Variants in RPTOR observed in about 807,000 individuals in gnomAD.
The protein encoded by RPTOR is regulatory-associated protein of mTOR.
In RPTOR, 21 loss-of-function variants were observed where a neutral mutation model predicts 169.9. The observed-to-expected ratio is 0.12, with a 90% CI of 0.09 to 0.18. RPTOR has a LOEUF of 0.18. Among genes scored for constraint, RPTOR ranks in the 10% least tolerant of loss-of-function variants. RPTOR has a pLI of 1.00. For missense variants in RPTOR, 1,133 were observed against 1,855.9 expected, an observed-to-expected ratio of 0.61 and a Z score of 7.16; for synonymous variants, 732 against 753.2, an observed-to-expected ratio of 0.97 and a Z score of 0.46.
chr17:80,683,684 A>T (rs1567855469), intron 3 of RPTOR, among the ~76,000 whole-genome samples: 1 of 152,020 alleles, frequency 6.6e-6, no homozygotes, highest in Admixed American at 6.6e-5. Flanking sequence ...TTATCCCATC[A>T]ATCATCTGCT....
chr17:80,614,629 C>T (rs938253482), intron 1 of RPTOR, among the ~76,000 whole-genome samples: 1 of 152,172 alleles, frequency 6.6e-6, no homozygotes, highest in African/African-American at 2.4e-5. Flanking sequence ...AAAAATATTT[C>T]GGGCAATTAG....
Position 80,893,783 on chromosome 17 carries a change from G to A in RPTOR, c.2319G>A (p.Glu773=), listed in dbSNP as rs1342666727. Reference sequence around the variant, plus strand: ...CCAGCAGCACCCTGGGCAGCCCCGAGAATGAGGAGCATATCCTGTCCTTCG... The same window carrying A: ...CCAGCAGCACCCTGGGCAGCCCCGAAAATGAGGAGCATATCCTGTCCTTCG... ...SSASSTLGSP[E]NEEHILSFET... The change falls in exon 20 of 34, where the codon GAG becomes GAA. Residue 773 remains glutamate (E), a synonymous_variant. Coordinates refer to ENST00000306801, the MANE Select transcript of RPTOR (RefSeq NM_020761.3). 6.3e-7 allele frequency: 1 copy of A among 1,597,678 alleles called. No homozygotes were observed. Among genetic ancestry groups the A allele is most frequent in the African/African-American group, 1.4e-5 (1 of 73,724 alleles).
intron 7 of RPTOR, among the ~76,000 whole-genome samples, chr17:80,812,016 G>A (rs1365970227): frequency 2.6e-5 from 4 of 152,046 alleles, no homozygotes; most frequent in African/African-American, 7.2e-5. Flanking sequence ...CTGTACCCAC[G>A]GGACACAGCC....
rs116097009 is a variant in RPTOR, at chr17:80,864,684, C to T, written c.1509+6784C>T. Among the ~76,000 whole-genome samples the T allele has an allele frequency of 8.4e-3, 1,273 of 152,238 alleles. 18 individuals carry two copies. The highest frequency in any genetic ancestry group is 0.029 in the African/African-American group (1,210 of 41,540). On this transcript the variant is annotated intron_variant, in intron 13 of 33. Coordinates refer to ENST00000306801, the MANE Select transcript of RPTOR (RefSeq NM_020761.3). The stretch of plus-strand genomic sequence containing the variant: ...GGAGAATACTCTTCAGAGGGAAACA[C>T]GGTTCTACACAAAGGAATTCAAAGC...
At position 80,959,624 on chromosome 17, in the gene RPTOR, G is replaced by A. The variant is rs6565503; in HGVS notation, c.3478-454G>A. Among the ~76,000 whole-genome samples the A allele has an allele frequency of 3.3e-4, 51 of 152,304 alleles. 3 individuals carry two copies. In the East Asian group the frequency reaches 7.7e-3, roughly 23 times the overall value. On this transcript the variant is annotated intron_variant, in intron 29 of 33. Transcript: ENST00000306801. This position sits in a 1 kb window ranked among gnomAD's most constrained non-coding sequence, Gnocchi z 6.7. ...GAGCCAGATGACCCCTCCTGGACTC[G>A]TCCCATAGCTCATTAGAAGTTCTGA...
intron 1 of RPTOR, among the ~76,000 whole-genome samples, chr17:80,565,187 T>G (rs773087554): frequency 2.6e-5 from 4 of 152,166 alleles, no homozygotes; most frequent in Non-Finnish European, 5.9e-5. Flanking sequence ...TCTTGAAAGT[T>G]TTGTAGAAAA....
At chr17:80,546,940 G>A (rs2084283370) in intron 1 of RPTOR, among the ~76,000 whole-genome samples, 1 of 152,076 alleles carries the variant, frequency 6.6e-6, no homozygotes, top group Non-Finnish European at 1.5e-5. Context: ...TTGGTGGCAG[G>A]TGCCCGTAAT....
chr17:80,731,041 G>C (rs923753813), intron 5 of RPTOR, among the ~76,000 whole-genome samples: 1 of 152,010 alleles, frequency 6.6e-6, no homozygotes, highest in African/African-American at 2.4e-5. Flanking sequence ...ACCATGCCTA[G>C]CTAATTTTTG....
chr17:80,545,550 AT>A lies in RPTOR; in HGVS notation c.-78del. ...CCCGTTTTTGTTTCTTATTTCACCA[AT>A]TCTGGTACACGCTAGTTTTTAAGGC... On this transcript the variant is annotated 5_prime_UTR_variant, in exon 1 of 34. Transcript: ENST00000306801. The A allele has an allele frequency of 9.1e-7, 1 of 1,104,316 alleles. No homozygotes were observed. Among genetic ancestry groups the A allele is most frequent in the Non-Finnish European group, 1.3e-6 (1 of 762,534 alleles). The allele number at this position is 1,104,316 out of a possible 1,614,324, so 68.4% of individuals were successfully genotyped here.
At chr17:80,925,326 T>A in intron 23 of RPTOR, 44 bp from the exon 24 acceptor site, 1 of 1,530,790 alleles carries the variant, frequency 6.5e-7, no homozygotes, top group Non-Finnish European at 9.0e-7. Flanking sequence ...CATGACTGAC[T>A]GGTGTTTCTT....
At chr17:80,895,733 C>T (rs1211973746) in intron 20 of RPTOR, among the ~76,000 whole-genome samples, 2 of 152,174 alleles carry the variant, frequency 1.3e-5, no homozygotes, top group Admixed American at 6.5e-5. Flanking sequence ...AAAGCGCAGG[C>T]GCCCCCATCT....
At position 80,947,655 on chromosome 17, in the gene RPTOR, C is replaced by A. The variant is rs995107655; in HGVS notation, c.3265+304C>A. Among the ~76,000 whole-genome samples, 6 of 152,178 alleles carry A rather than the reference C, an allele frequency of 3.9e-5. No homozygotes were observed. The highest frequency in any genetic ancestry group is 5.9e-5 in the Non-Finnish European group (4 of 68,044). On this transcript the variant is annotated intron_variant, in intron 27 of 33. Coordinates refer to ENST00000306801, the MANE Select transcript of RPTOR (RefSeq NM_020761.3). The surrounding 1 kb of genome is among the most constrained non-coding windows in gnomAD (Gnocchi z 4.4). ...TCTGTCCTTAAACCCCTGTGAGAGA[C>A]CCGGTGGGTCCCACGTGACACCCGA...
Position 80,965,684 on chromosome 17 carries a change from C to T in RPTOR, c.*1354C>T, listed in dbSNP as rs2069419009. The stretch of plus-strand genomic sequence containing the variant: ...CGGTGTGGCTGGTGGCCTGCCGTGG[C>T]CAAGAGCATCTTCTGGGTGGATGGA... On this transcript the variant is annotated 3_prime_UTR_variant, in exon 34 of 34. Transcript: ENST00000306801. The T allele has an allele frequency of 4.3e-6, 1 of 233,184 alleles. No individual in the cohort carries two copies. The allele number at this position is 233,184 out of a possible 1,614,324, so 14.4% of individuals were successfully genotyped here.
chr17:80,545,331 T>G lies in RPTOR; in HGVS notation c.-299T>G, dbSNP rs1568296141. 1.0e-5 allele frequency: 3 copies of G among 288,516 alleles called. No homozygotes were observed. Among genetic ancestry groups the G allele is most frequent in the African/African-American group, 6.4e-5 (3 of 46,800 alleles). 17.9% of individuals were successfully genotyped at this position (288,516 alleles called of 1,614,324 possible). ...TTTTGGCAGCTCCCCTCGCAGCCCC[T>G]CTGGAAACGTACAGCCTCAGGAGCA... On this transcript the variant is annotated 5_prime_UTR_variant, in exon 1 of 34. Coordinates refer to ENST00000306801, the MANE Select transcript of RPTOR (RefSeq NM_020761.3).
rs3751945 is a variant in RPTOR at position 80,846,529 on chromosome 17, C to T, written c.1269C>T (p.Gly423=). Reference sequence around the variant, plus strand: ...CATTCCAGGTGTGGCTCACCATGGGCGTGGAGAACCGAAACCCACCCGAAC... The same window carrying T: ...CATTCCAGGTGTGGCTCACCATGGGTGTGGAGAACCGAAACCCACCCGAAC... ...LTAFQVWLTM[G]VENRNPPEQL... The change falls in exon 11 of 34, where the codon GGC becomes GGT. Residue 423 remains glycine, a synonymous_variant. Transcript: ENST00000306801. 0.6 allele frequency: 968,450 copies of T among 1,613,826 alleles called. 297,846 individuals are homozygous for T. The highest frequency in any genetic ancestry group is 0.63 in the Non-Finnish European group (741,913 of 1,179,890).
At position 80,923,596 on chromosome 17, in the gene RPTOR, C is replaced by A; in HGVS notation, c.2731C>A (p.Pro911Thr). Residue 911 changes from proline to threonine, a missense_variant, in exon 23 of 34, where the codon CCC becomes ACC. Physicochemically the swap from Pro to Thr is conservative, Grantham distance 38. Transcript: ENST00000306801. Reference sequence around the variant, plus strand: ...TTCTGGCCGGCCGGGCACCACAGGCCCCGCTGGGGCGCAGTACACCCCTCA... The same window carrying A: ...TTCTGGCCGGCCGGGCACCACAGGCACCGCTGGGGCGCAGTACACCCCTCA... ...LPSGRPGTTG[P>T]AGAQYTPHSH... 1.9e-6 allele frequency: 3 copies of A among 1,613,234 alleles called. No homozygotes were observed. Among genetic ancestry groups the A allele is most frequent in the South Asian group, 2.2e-5 (2 of 91,048 alleles).
At chr17:80,772,994 C>T (rs986253345) in intron 6 of RPTOR, among the ~76,000 whole-genome samples, 1 of 152,202 alleles carries the variant, frequency 6.6e-6, no homozygotes, top group African/African-American at 2.4e-5. Flanking sequence ...CTCCTTCTCA[C>T]CACTTAAGTG....
At chr17:80,557,944 A>G (rs1351532136) in intron 1 of RPTOR, among the ~76,000 whole-genome samples, 1 of 152,120 alleles carries the variant, frequency 6.6e-6, no homozygotes. Context: ...ATAATAAATA[A>G]ATACATAAAT....
chr17:80,792,157 C>T lies in RPTOR; in HGVS notation c.890+648C>T, dbSNP rs75467749. Reference sequence around the variant, plus strand: ...CTGTTTGTTTGTGCACCGGATTCATCGTGACTCATCCTGAGTCATCCAGGC... The same window carrying T: ...CTGTTTGTTTGTGCACCGGATTCATTGTGACTCATCCTGAGTCATCCAGGC... On this transcript the variant is annotated intron_variant, in intron 7 of 33. Transcript: ENST00000306801. Among the ~76,000 whole-genome samples the T allele has an allele frequency of 3.6e-3, 550 of 152,222 alleles. 8 individuals carry two copies. Among genetic ancestry groups the T allele is most frequent in the African/African-American group, 0.012 (517 of 41,526 alleles).
Sources: gnomAD v4.1 joint callset for allele counts (sites outside exome capture counted in the v4.1 genomes callset) on GRCh38, gnomAD v4.1.1 for gene constraint, Gnocchi (gnomAD v3.1) non-coding constraint, MANE v1.5 for transcripts, NCBI Gene and HGNC (gene_info 2026-07-23, HGNC 2026-07-21) for gene names.